The following DHX36 variants were observed in gnomAD, a reference collection of about 807,000 sequenced individuals.
DHX36 encodes DEAH-box helicase 36, also known as ATP-dependent DNA/RNA helicase DHX36.
In DHX36, 50 loss-of-function variants were observed where a neutral mutation model predicts 139.0. That is an observed-to-expected ratio of 0.36 (90% CI 0.29 to 0.46). DHX36 has a LOEUF of 0.46. Ranked by LOEUF, DHX36 falls within the 20% of genes least tolerant of loss-of-function variation. The pLI, the probability that DHX36 is intolerant of heterozygous loss-of-function variation, is 1.00. For missense variants in DHX36, 1,024 were observed against 1,211.3 expected (o/e 0.85, Z 2.29); for synonymous variants, 425 against 401.9 (o/e 1.06, Z -0.69).
chr3:154,286,362 G>T (rs1242566968), intron 17 of DHX36, among the ~76,000 whole-genome samples: 1 of 151,458 alleles, frequency 6.6e-6, no homozygotes, highest in Non-Finnish European at 1.5e-5. Flanking sequence ...GATAATATAT[G>T]CAGAAAAAAA....
chr3:154,289,827 C>CT lies in DHX36; in HGVS notation c.1815-2dup. 1 of 1,521,338 alleles carries CT rather than the reference C, an allele frequency of 6.6e-7. No individual in the cohort carries two copies. Among genetic ancestry groups the CT allele is most frequent in the Non-Finnish European group, 9.0e-7 (1 of 1,117,106 alleles). 94.2% of individuals were successfully genotyped at this position (1,521,338 alleles called of 1,614,324 possible). On this transcript the variant is annotated splice_acceptor_variant, in intron 15 of 24. Transcript: ENST00000496811. LOFTEE classifies it high-confidence loss of function. ...ATGATAGCAATGACCAGGTTGAACT[C>CT]TTAAAAAAAAAACAAAACAAAATGA...
At position 154,300,586 on chromosome 3, in the gene DHX36, AAACT is replaced by A. The variant is rs1248314611; in HGVS notation, c.1461+4_1461+7del. Reference sequence around the variant, plus strand: ...TATGTTAACTGAAGAAAGAAAAATAAAACTAACCTCTTCTTCCAAAACAATGTAT... The same window carrying A: ...TATGTTAACTGAAGAAAGAAAAATAAAACCTCTTCTTCCAAAACAATGTAT... On this transcript the variant is annotated splice_donor_5th_base_variant and intron_variant, in intron 11 of 24. Transcript: ENST00000496811. 1 of 1,604,602 alleles carries A rather than the reference AAACT, an allele frequency of 6.2e-7. No homozygotes were observed. The highest frequency in any genetic ancestry group is 8.5e-7 in the Non-Finnish European group (1 of 1,174,140).
At chr3:154,288,696 T>C (rs146453308) in intron 17 of DHX36, among the ~76,000 whole-genome samples, 170 bp downstream of exon 17, 23 of 152,302 alleles carry the variant, frequency 1.5e-4, no homozygotes, top group Non-Finnish European at 1.3e-4. Flanking sequence ...AACTTTCTAA[T>C]GCCTATCTCA....
intron 22 of DHX36, chr3:154,279,778 T>C (rs1171236697): frequency 6.6e-6 from 1 of 152,198 alleles, no homozygotes; most frequent in African/African-American, 2.4e-5. Flanking sequence ...AATATCCAAC[T>C]TTCATTTAAC....
At chr3:154,304,448 T>C (rs1712423466) in intron 8 of DHX36, among the ~76,000 whole-genome samples, 1 of 152,190 alleles carries the variant, frequency 6.6e-6, no homozygotes, top group Admixed American at 6.5e-5. Flanking sequence ...AGGTGTTCCA[T>C]AAGTGGTCAC....
rs1461955234 is a variant in DHX36, at chr3:154,280,927, A to G, written c.2377-65T>C. ...CACACATTGAGGCTATAAACCATAC[A>G]CTAATAGATAAATTGAGTTGTAAGC... On this transcript the variant is annotated intron_variant, in intron 20 of 24. Coordinates refer to ENST00000496811, the MANE Select transcript of DHX36 (RefSeq NM_020865.3). 3 of 1,161,754 alleles carry G rather than the reference A, an allele frequency of 2.6e-6. No individual in the cohort carries two copies. In the African/African-American group the frequency reaches 4.6e-5, roughly 18 times the overall value. The allele number at this position is 1,161,754 out of a possible 1,614,324, so 72.0% of individuals were successfully genotyped here.
Position 154,288,896 on chromosome 3 carries a change from C to T in DHX36, c.2001G>A (p.Val667=). 1 of 1,592,774 alleles carries T rather than the reference C, an allele frequency of 6.3e-7. No homozygotes were observed. Among genetic ancestry groups the T allele is most frequent in the African/African-American group, 1.3e-5 (1 of 74,460 alleles). Residue 667 remains valine, a synonymous_variant, in exon 17 of 25, where the codon GTG becomes GTA. Transcript: ENST00000496811. The part of the protein sequence containing the change: ...RLMDPPSNEA[V]LLSIRHLMEL... The stretch of plus-strand genomic sequence containing the variant: ...CCATCAGGTGTCTTATGGAGAGTAA[C>T]ACTGCCTCATTTGATGGTGGGTCCA...
At chr3:154,288,798 T>C in intron 17 of DHX36, 68 bp downstream of exon 17, 1 of 893,792 alleles carries the variant, frequency 1.1e-6, no homozygotes. Flanking sequence ...GAGTAAACAT[T>C]ATAATTAACT....
chr3:154,297,012 AAAT>A, intron 12 of DHX36, among the ~76,000 whole-genome samples: 1 of 152,364 alleles, frequency 6.6e-6, no homozygotes, highest in South Asian at 2.1e-4. Context: ...AGAGAGAATC[AAAT>A]GAAATGATAG....
intron 5 of DHX36, 65 bp from the exon 6 acceptor site, chr3:154,306,360 T>C (rs1439281816): frequency 4.3e-6 from 6 of 1,385,630 alleles, no homozygotes; most frequent in African/African-American, 1.4e-5. Flanking sequence ...TGAATGTCCA[T>C]GAAAATCTAG....
intron 3 of DHX36, among the ~76,000 whole-genome samples, chr3:154,313,910 G>A (rs1712862761): frequency 6.6e-6 from 1 of 152,082 alleles, no homozygotes; most frequent in Non-Finnish European, 1.5e-5. Context: ...CAGACATGTA[G>A]TCTCTTATTC....
intron 19 of DHX36, among the ~76,000 whole-genome samples, chr3:154,283,627 T>A (rs1425498690): frequency 1.3e-5 from 2 of 152,086 alleles, no homozygotes; most frequent in South Asian, 2.1e-4. Context: ...ATTCACAGAT[T>A]TTCTTTATAG....
At chr3:154,277,883 A>G in intron 22 of DHX36, 165 bp from the exon 23 acceptor site, 1 of 523,666 alleles carries the variant, frequency 1.9e-6, no homozygotes, top group Non-Finnish European at 3.1e-6. Flanking sequence ...GCAAAAAAAT[A>G]TATTTATATT....
Position 154,311,660 on chromosome 3 carries a change from C to G in DHX36, c.618G>C (p.Lys206Asn). The change falls in exon 4 of 25, where the codon AAG (lysine) becomes AAC (asparagine). Residue 206 changes from lysine (K) to asparagine (N), a missense_variant. Transcript: ENST00000496811. ...RYIEMQHFREKLPSYGMQKEL... is the reference protein window; with the variant it reads ...RYIEMQHFRENLPSYGMQKEL... Reference sequence around the variant, plus strand: ...CCTTTTGCATTCCATACGAAGGCAGCTTTTCTCTGAAATGCTGAAATTTAA... The same window carrying G: ...CCTTTTGCATTCCATACGAAGGCAGGTTTTCTCTGAAATGCTGAAATTTAA... 6.3e-7 allele frequency: 1 copy of G among 1,596,184 alleles called. No individual in the cohort carries two copies. Among genetic ancestry groups the G allele is most frequent in the Middle Eastern group, 1.7e-4 (1 of 6,024 alleles).
Position 154,292,600 on chromosome 3 carries a change from C to G in DHX36, c.1765G>C (p.Glu589Gln). ...TTGGCATTAGCTTTACTAACCCACT[C>G]AGCGGACATTGTACTGATATTGTTC... Reference protein sequence around the residue: ...TQNNISTMSAEWVSKANAKQR... With the variant: ...TQNNISTMSAQWVSKANAKQR... The change falls in exon 15 of 25, where the codon GAG becomes CAG. Residue 589 changes from glutamate to glutamine, a missense_variant. This residue lies in a region of DHX36 where 470 missense variants were observed against 616.2 expected (regional missense o/e 0.76). Transcript: ENST00000496811. 2 of 1,614,066 alleles carry G rather than the reference C, an allele frequency of 1.2e-6. No individual in the cohort carries two copies. The highest frequency in any genetic ancestry group is 1.7e-6 in the Non-Finnish European group (2 of 1,180,020).
intron 12 of DHX36, among the ~76,000 whole-genome samples, chr3:154,297,771 TAA>T (rs1381419547): frequency 6.6e-6 from 1 of 151,992 alleles, no homozygotes; most frequent in Non-Finnish European, 1.5e-5. Flanking sequence ...ATAAAAAGTT[TAA>T]AAGTTAGCCA....
Position 154,324,356 on chromosome 3 carries a change from C to T in DHX36, c.61G>A (p.Gly21Ser). ...RDGGPRSSGG[G>S]YGGGPAGGHG... The stretch of plus-strand genomic sequence containing the variant: ...CCCCCTGCTGGCCCCCCTCCATAGC[C>T]CCCACCGGAGCTGCGGGGACCCCCA... The change falls in exon 1 of 25, where the codon GGC becomes AGC. Residue 21 changes from glycine (G) to serine (S), a missense_variant. Physicochemically the swap from Gly to Ser is moderately conservative, Grantham distance 56. Around this residue, in one of 4 missense-constraint regions of DHX36, gnomAD observed 293 missense variants for 274.4 expected, o/e 1.07. Transcript: ENST00000496811. 2 of 1,599,872 alleles carry T rather than the reference C, an allele frequency of 1.3e-6. No individual in the cohort carries two copies. The highest frequency in any genetic ancestry group is 1.7e-6 in the Non-Finnish European group (2 of 1,171,840).
At chr3:154,297,233 C>T (rs1712079981) in intron 12 of DHX36, among the ~76,000 whole-genome samples, 1 of 152,190 alleles carries the variant, frequency 6.6e-6, no homozygotes, top group East Asian at 1.9e-4. Flanking sequence ...AATCTGATTA[C>T]AGACTGGATT....
At chr3:154,315,315 G>C (rs752319149) in intron 2 of DHX36, 35 bp from the exon 3 acceptor site, 1 of 1,486,558 alleles carries the variant, frequency 6.7e-7, no homozygotes, top group South Asian at 1.2e-5. Flanking sequence ...AGAAAGGTCA[G>C]ATGAGCCACT....
Sources: allele counts gnomAD v4.1 joint callset (sites outside exome capture counted in the v4.1 genomes callset), GRCh38; gene constraint gnomAD v4.1.1; regional missense constraint gnomAD v4.1.1; transcripts MANE v1.5; gene names NCBI Gene and HGNC (gene_info 2026-07-23, HGNC 2026-07-21).